Variants in ULK2 observed in about 807,000 individuals in gnomAD.
ULK2 encodes serine/threonine-protein kinase ULK2.
In ULK2, 76 loss-of-function variants were observed where a neutral mutation model predicts 127.5. The ratio of observed to expected loss-of-function variants is 0.60; its 90% confidence interval spans 0.50 to 0.72. The LOEUF (loss-of-function observed/expected upper bound fraction) is 0.72. Among genes scored for constraint, ULK2 ranks in the 30% least tolerant of loss-of-function variants. The probability of loss-of-function intolerance (pLI) is 0.00; values close to 1 mark genes in which losing one functional copy is unlikely to be tolerated. For synonymous variants in ULK2, 452 were observed against 461.9 expected, an observed-to-expected ratio of 0.98 and a Z score of 0.28; for missense variants, 1,144 against 1,295.9, an observed-to-expected ratio of 0.88 and a Z score of 1.80.
intron 7 of ULK2, 65 bp downstream of exon 7, chr17:19,845,239 A>G: frequency 2.2e-6 from 3 of 1,377,854 alleles, no homozygotes; most frequent in Non-Finnish European, 3.1e-6. Flanking sequence ...AGCACGCATT[A>G]TATTTAAATT....
At chr17:19,866,345 CAA>C (rs557559781) in intron 1 of ULK2, among the ~76,000 whole-genome samples, 2 of 139,576 alleles carry the variant, frequency 1.4e-5, no homozygotes, top group Non-Finnish European at 1.6e-5. Flanking sequence ...ACTAAAAATA[CAA>C]AAAAAAAAAA....
intron 16 of ULK2, 94 bp from the exon 17 acceptor site, chr17:19,799,669 C>T (rs1043450737): frequency 1.2e-5 from 15 of 1,220,378 alleles, no homozygotes; most frequent in Non-Finnish European, 1.6e-5. Flanking sequence ...ACAAATTGCA[C>T]AGTAAACTAC....
At chr17:19,838,907 T>G (rs1020149224) in intron 9 of ULK2, among the ~76,000 whole-genome samples, 1 of 151,728 alleles carries the variant, frequency 6.6e-6, no homozygotes, top group Non-Finnish European at 1.5e-5. Context: ...GGCGGGCACC[T>G]GTAGTCCCAG....
intron 15 of ULK2, 56 bp downstream of exon 15, chr17:19,804,637 A>G: frequency 6.5e-7 from 1 of 1,529,538 alleles, no homozygotes; most frequent in Non-Finnish European, 8.8e-7. Context: ...AATATCAATA[A>G]ATTTTTTTTA....
At chr17:19,852,402 C>A (rs1239475451) in intron 3 of ULK2, among the ~76,000 whole-genome samples, 2 of 140,514 alleles carry the variant, frequency 1.4e-5, no homozygotes, top group Non-Finnish European at 3.1e-5. Context: ...GCGCCTATAG[C>A]CCCAGCTACT....
chr17:19,857,216 G>A (rs1289642060), intron 3 of ULK2, among the ~76,000 whole-genome samples: 3 of 151,128 alleles, frequency 2.0e-5, no homozygotes, highest in Non-Finnish European at 4.4e-5. Context: ...CTGAGGCAGG[G>A]AGAATTGCTT....
In ULK2 at chr17:19,856,364, C is replaced by T. The variant is rs184390797; in HGVS notation, c.226-6590G>A. The stretch of plus-strand genomic sequence containing the variant: ...TTGGGAGGCCGAGGCAGGCGGGTCA[C>T]GAGGTCAGGAGATCAAGACCATCCT... On this transcript the variant is annotated intron_variant, in intron 3 of 26. Coordinates refer to ENST00000395544, the MANE Select transcript of ULK2 (RefSeq NM_014683.4). 5.9e-3 allele frequency among the ~76,000 whole-genome samples: 891 copies of T among 151,970 alleles called. 16 individuals carry two copies. The highest frequency in any genetic ancestry group is 0.019 in the African/African-American group (775 of 41,446).
intron 6 of ULK2, among the ~76,000 whole-genome samples, chr17:19,846,247 C>A (rs1260144795): frequency 1.3e-5 from 2 of 152,202 alleles, no homozygotes; most frequent in African/African-American, 4.8e-5. Context: ...GGCCTGTCAG[C>A]ACTGCCTGAG....
At chr17:19,848,594 T>G (rs948009067) in intron 5 of ULK2, among the ~76,000 whole-genome samples, 3 of 152,134 alleles carry the variant, frequency 2.0e-5, no homozygotes, top group African/African-American at 7.2e-5. Context: ...CTGATCAACA[T>G]GGTGAAACCC....
intron 20 of ULK2, among the ~76,000 whole-genome samples, chr17:19,791,546 A>G (rs1329735743): frequency 6.6e-6 from 1 of 152,110 alleles, no homozygotes; most frequent in Admixed American, 6.5e-5. Context: ...TTAGCTGGGT[A>G]TGGTGGCACA....
rs576974372 is a variant in ULK2, at chr17:19,786,277, TA to T, written c.2102-192del. Among the ~76,000 whole-genome samples the T allele has an allele frequency of 3.3e-5, 5 of 152,150 alleles. No homozygotes were observed. The South Asian group carries it at 1.0e-3, about 32-fold the overall frequency. On this transcript the variant is annotated intron_variant, in intron 20 of 26. Transcript: ENST00000395544. ...ACAATATTTTCATTAAAATAACTTATAGTAATCTCAAGTGTGAATCTTCTTC... is the reference window on the plus strand; with the variant it reads ...ACAATATTTTCATTAAAATAACTTATGTAATCTCAAGTGTGAATCTTCTTC...
Position 19,796,239 on chromosome 17 carries a change from T to C in ULK2, c.1853A>G (p.Asn618Ser), listed in dbSNP as rs747643629. Reference sequence around the variant, plus strand: ...ATGACGAGTAACCAAGGCTAACAGGTTGGAAGATGCTTGAGTTTTAGGGAT... The same window carrying C: ...ATGACGAGTAACCAAGGCTAACAGGCTGGAAGATGCTTGAGTTTTAGGGAT... ...FKIPKTQASS[N>S]LLALVTRHGP... Residue 618 changes from asparagine (N) to serine (S), a missense_variant, in exon 19 of 27, where the codon AAC becomes AGC. Asn to Ser is a conservative substitution (Grantham distance 46). This residue lies in a region of ULK2 where 913 missense variants were observed against 970.5 expected (regional missense o/e 0.94). Coordinates refer to ENST00000395544, the MANE Select transcript of ULK2 (RefSeq NM_014683.4). The C allele has an allele frequency of 5.0e-6, 8 of 1,613,766 alleles. No individual in the cohort carries two copies. The highest frequency in any genetic ancestry group is 5.9e-6 in the Non-Finnish European group (7 of 1,179,970).
At chr17:19,830,802 C>T (rs1374813319) in intron 10 of ULK2, among the ~76,000 whole-genome samples, 1 of 152,022 alleles carries the variant, frequency 6.6e-6, no homozygotes, top group African/African-American at 2.4e-5. Context: ...CCCAGGCAGC[C>T]TGATCGCTTG....
chr17:19,796,845 G>A (rs924735882), intron 18 of ULK2, among the ~76,000 whole-genome samples: 1 of 152,190 alleles, frequency 6.6e-6, no homozygotes, highest in African/African-American at 2.4e-5. Context: ...CCCACTGGCA[G>A]CTCTATTTAC....
At chr17:19,836,404 G>A (rs760470431) in intron 10 of ULK2, among the ~76,000 whole-genome samples, 4 of 150,828 alleles carry the variant, frequency 2.7e-5, no homozygotes, top group South Asian at 2.1e-4. Context: ...GCAAGACTCC[G>A]TCTCAAAAAC....
Position 19,843,132 on chromosome 17 carries a change from G to T in ULK2, c.634C>A (p.Pro212Thr). 1 of 1,613,678 alleles carries T rather than the reference G, an allele frequency of 6.2e-7. No homozygotes were observed. Among genetic ancestry groups the T allele is most frequent in the Non-Finnish European group, 8.5e-7 (1 of 1,179,748 alleles). Residue 212 changes from proline (P) to threonine (T), a missense_variant, in exon 8 of 27, where the codon CCA becomes ACA. Physicochemically the swap from Pro to Thr is conservative, Grantham distance 38 (BLOSUM62 -1). Coordinates refer to ENST00000395544, the MANE Select transcript of ULK2 (RefSeq NM_014683.4). ...AAAAGTCAGCCTACCTGAAAAGGTG[G>T]TTTTCCAACTAGGCATTGGTATATC... ...TVIYQCLVGKPPFQANSPQDL... is the reference protein window; with the variant it reads ...TVIYQCLVGKTPFQANSPQDL...
intron 7 of ULK2, among the ~76,000 whole-genome samples, chr17:19,844,095 G>A (rs2041826771): frequency 6.6e-6 from 1 of 152,050 alleles, no homozygotes; most frequent in Non-Finnish European, 1.5e-5. Context: ...TATAGTAATA[G>A]AAAAACTATG....
chr17:19,804,626 C>A, intron 15 of ULK2, 67 bp downstream of exon 15: 1 of 1,510,442 alleles, frequency 6.6e-7, no homozygotes, highest in Non-Finnish European at 8.9e-7. Flanking sequence ...ACATATCTTC[C>A]AATATCAATA....
rs1367722771 is a variant in ULK2, at chr17:19,825,160, C to T, written c.858G>A (p.Met286Ile). The T allele has an allele frequency of 1.2e-6, 2 of 1,613,984 alleles. No individual in the cohort carries two copies. Among genetic ancestry groups the T allele is most frequent in the African/African-American group, 2.7e-5 (2 of 74,916 alleles). Reference protein sequence around the residue: ...VKKSCPVPVPMYSGSVSGSSC... With the variant: ...VKKSCPVPVPIYSGSVSGSSC... Reference sequence around the variant, plus strand: ...AGCTTCCAGAGACAGAACCAGAATACATGGGCACTGGAACTGGGCAAGCTA... The same window carrying T: ...AGCTTCCAGAGACAGAACCAGAATATATGGGCACTGGAACTGGGCAAGCTA... The change falls in exon 12 of 27, where the codon ATG (methionine) becomes ATA (isoleucine). Residue 286 changes from methionine (M) to isoleucine (I), a missense_variant. This residue lies in a region of ULK2 where 913 missense variants were observed against 970.5 expected (regional missense o/e 0.94). Coordinates refer to ENST00000395544, the MANE Select transcript of ULK2 (RefSeq NM_014683.4).
Sources: gnomAD v4.1 joint callset for allele counts (sites outside exome capture counted in the v4.1 genomes callset) on GRCh38, gnomAD v4.1.1 for gene constraint, gnomAD v4.1.1 regional missense constraint, MANE v1.5 for transcripts, NCBI Gene and HGNC (gene_info 2026-07-23, HGNC 2026-07-21) for gene names.